The following TPTE2 variants were observed in gnomAD, a reference collection of about 807,000 sequenced individuals.
The protein encoded by TPTE2 is phosphatidylinositol 3,4,5-trisphosphate 3-phosphatase TPTE2.
In TPTE2, 53 loss-of-function variants were observed where a neutral mutation model predicts 78.6. That is an observed-to-expected ratio of 0.67 (90% confidence interval 0.54 to 0.85). The LOEUF (loss-of-function observed/expected upper bound fraction) is 0.85, where lower values mean the gene tolerates loss of function less well. Ranked by LOEUF, TPTE2 falls within the 40% of genes least tolerant of loss-of-function variation. The probability of loss-of-function intolerance (pLI) is 0.00; values close to 1 mark genes in which losing one functional copy is unlikely to be tolerated. For missense variants in TPTE2, 461 were observed against 623.0 expected (o/e 0.74, Z 2.77); for synonymous variants, 175 against 206.2 (o/e 0.85, Z 1.30).
chr13:19,434,189 T>G lies in TPTE2; in HGVS notation c.1117-1611A>C, dbSNP rs561531885. 2.9e-3 allele frequency among the ~76,000 whole-genome samples: 434 copies of G among 152,278 alleles called. 1 individual carries two copies. The highest frequency in any genetic ancestry group is 4.6e-3 in the Non-Finnish European group (312 of 68,026). On this transcript the variant is annotated intron_variant, in intron 15 of 19. Coordinates refer to ENST00000400230, the Ensembl canonical transcript of TPTE2. Reference sequence around the variant, plus strand: ...TTAAAGGGGATACAGAAGTCACCACTTCAAATAACTAGAGAATGATGCAAA... The same window carrying G: ...TTAAAGGGGATACAGAAGTCACCACGTCAAATAACTAGAGAATGATGCAAA...
intron 1 of TPTE2, among the ~76,000 whole-genome samples, chr13:19,510,357 T>A (rs1031132501): frequency 2.2e-4 from 34 of 152,184 alleles, no homozygotes; most frequent in African/African-American, 7.2e-4. Flanking sequence ...CTGCTCCCAT[T>A]TATGGTGGAA....
Position 19,503,276 on chromosome 13 carries a change from GA to G in TPTE2, c.-43del. The G allele has an allele frequency of 1.9e-6, 3 of 1,613,560 alleles. No homozygotes were observed. The highest frequency in any genetic ancestry group is 1.7e-6 in the Non-Finnish European group (2 of 1,179,624). On this transcript the variant is annotated 5_prime_UTR_variant, in exon 1 of 20. It removes the in-frame stop codon of an upstream open reading frame in the 5' UTR. Coordinates refer to ENST00000400230, the Ensembl canonical transcript of TPTE2. The stretch of plus-strand genomic sequence containing the variant: ...ACTCCTGATAATTCATTTGTGGGTG[GA>G]CTAGAGGATGACAAAAGAATACAGT...
chr13:19,452,188 T>C, intron 10 of TPTE2, among the ~76,000 whole-genome samples: 1 of 152,148 alleles, frequency 6.6e-6, no homozygotes, highest in East Asian at 1.9e-4. Flanking sequence ...TTTTACATAC[T>C]TCAGAATTCA....
At chr13:19,488,221 C>T (rs996572848) in intron 3 of TPTE2, among the ~76,000 whole-genome samples, 3 of 152,170 alleles carry the variant, frequency 2.0e-5, no homozygotes, top group East Asian at 1.9e-4. Context: ...CATCTCTATT[C>T]ACCCATCTTG....
intron 15 of TPTE2, among the ~76,000 whole-genome samples, 190 bp from the exon 19 acceptor site, chr13:19,432,768 T>C (rs908797895): frequency 4.0e-5 from 6 of 150,682 alleles, no homozygotes; most frequent in African/African-American, 1.5e-4. Context: ...GAGGGAAAAA[T>C]ACTGAATTCA....
intron 4 of TPTE2, among the ~76,000 whole-genome samples, chr13:19,478,005 TGAA>T (rs1880079973): frequency 1.3e-5 from 2 of 152,060 alleles, no homozygotes; most frequent in East Asian, 3.9e-4. Context: ...TGAATCAAAA[TGAA>T]GAACACAGAA....
At chr13:19,479,960 CA>C (rs751162446) in intron 4 of TPTE2, among the ~76,000 whole-genome samples, 194 of 66,794 alleles carry the variant, frequency 2.9e-3, no homozygotes, top group Middle Eastern at 0.013. Flanking sequence ...GACTCCGGCT[CA>C]AAAAAAAAAA....
chr13:19,472,829 T>C (rs1227065173), intron 6 of TPTE2, among the ~76,000 whole-genome samples: 1 of 152,198 alleles, frequency 6.6e-6, no homozygotes, highest in African/African-American at 2.4e-5. Flanking sequence ...TGTCAGGGCT[T>C]GTTTGTACCC....
At position 19,441,272 on chromosome 13, in the gene TPTE2, G is replaced by T. The variant is rs529540764; in HGVS notation, c.974-3119C>A. Among the ~76,000 whole-genome samples the T allele has an allele frequency of 2.6e-3, 401 of 151,958 alleles. 2 individuals carry two copies. The highest frequency in any genetic ancestry group is 9.2e-3 in the African/African-American group (379 of 41,412). The stretch of plus-strand genomic sequence containing the variant: ...TGGACCCTGGGGAGTTCTAGACGGG[G>T]CACAGCAGAAAAGGGCACAGGTTGA... On this transcript the variant is annotated intron_variant, in intron 13 of 19. Coordinates refer to ENST00000400230, the Ensembl canonical transcript of TPTE2.
intron 3 of TPTE2, among the ~76,000 whole-genome samples, chr13:19,491,178 A>C (rs1880968514): frequency 6.6e-6 from 1 of 152,192 alleles, no homozygotes; most frequent in African/African-American, 2.4e-5. Context: ...GTGTGTATTT[A>C]CATATATATG....
At chr13:19,537,610 G>C (rs1161439611), upstream of TPTE2, among the ~76,000 whole-genome samples, 1 of 140,862 alleles carries the variant, frequency 7.1e-6, no homozygotes, top group Admixed American at 7.3e-5. Flanking sequence ...TTTGTTTTTT[G>C]TTTTTTTTTT....
chr13:19,437,674 G>C (rs1460605876), intron 14 of TPTE2, among the ~76,000 whole-genome samples: 1 of 152,138 alleles, frequency 6.6e-6, no homozygotes, highest in Non-Finnish European at 1.5e-5. Context: ...GTTGATTACT[G>C]AATGTTTTTT....
At chr13:19,506,282 C>T (rs1658865458), upstream of TPTE2, among the ~76,000 whole-genome samples, 1 of 145,128 alleles carries the variant, frequency 6.9e-6, no homozygotes, top group African/African-American at 2.5e-5. Flanking sequence ...CGCCATTCTC[C>T]TGCCTCAGCC....
rs899292789 is a variant in TPTE2 at position 19,486,476 on chromosome 13, G to A, written c.120-3929C>T. On this transcript the variant is annotated intron_variant, in intron 3 of 19. Transcript: ENST00000400230. This position sits in a 1 kb window ranked among gnomAD's most constrained non-coding sequence, Gnocchi z 4.3. Reference sequence around the variant, plus strand: ...GTGCTGTCACTCTAGCCAGGAGCATGGGGATGCAGTTGCTCAACCAGGGCA... The same window carrying A: ...GTGCTGTCACTCTAGCCAGGAGCATAGGGATGCAGTTGCTCAACCAGGGCA... Among the ~76,000 whole-genome samples the A allele has an allele frequency of 7.9e-5, 12 of 152,170 alleles. No homozygotes were observed. The highest frequency in any genetic ancestry group is 2.9e-4 in the African/African-American group (12 of 41,448).
chr13:19,536,132 A>C (rs1871199790), intron 1 of TPTE2, among the ~76,000 whole-genome samples: 1 of 152,024 alleles, frequency 6.6e-6, no homozygotes, highest in Non-Finnish European at 1.5e-5. Flanking sequence ...TGGTCTTTTC[A>C]TTCTAGATAA....
intron 1 of TPTE2, among the ~76,000 whole-genome samples, chr13:19,534,268 G>T (rs1348541645): frequency 6.6e-6 from 1 of 152,144 alleles, no homozygotes; most frequent in Non-Finnish European, 1.5e-5. Flanking sequence ...AGTTGTATGG[G>T]GACTTGAAGT....
chr13:19,534,772 C>A (rs1427489850), intron 1 of TPTE2, among the ~76,000 whole-genome samples: 2 of 152,090 alleles, frequency 1.3e-5, no homozygotes, highest in East Asian at 1.9e-4. Flanking sequence ...AATTTGCATG[C>A]CATGTATAAA....
intron 4 of TPTE2, among the ~76,000 whole-genome samples, chr13:19,477,072 T>C (rs1328207833): frequency 1.3e-5 from 2 of 152,156 alleles, no homozygotes; most frequent in Non-Finnish European, 2.9e-5. Flanking sequence ...GGAACATGGA[T>C]GGATCTGGAG....
chr13:19,536,005 AAGG>A (rs778390399), intron 1 of TPTE2, among the ~76,000 whole-genome samples: 1 of 152,196 alleles, frequency 6.6e-6, no homozygotes, highest in Non-Finnish European at 1.5e-5. Context: ...TTTTATTAAT[AAGG>A]AGAAGATTTA....
Sources: gnomAD v4.1 joint callset for allele counts (sites outside exome capture counted in the v4.1 genomes callset) on GRCh38, gnomAD v4.1.1 for gene constraint, Gnocchi (gnomAD v3.1) non-coding constraint, MANE v1.5 for transcripts, NCBI Gene and HGNC (gene_info 2026-07-23, HGNC 2026-07-21) for gene names.